Variants in MTDH observed in about 807,000 individuals in gnomAD.
The protein encoded by MTDH is metadherin.
A neutral mutation model predicts 72.7 loss-of-function variants in MTDH; 34 were observed. The observed-to-expected ratio is 0.47, with a 90% CI of 0.36 to 0.62. The LOEUF is 0.62. Ranked by LOEUF, MTDH falls within the 20% of genes least tolerant of loss-of-function variation. MTDH has a pLI of 0.00. For missense variants in MTDH, 677 were observed against 699.4 expected (o/e 0.97, Z 0.36); for synonymous variants, 266 against 268.9 (o/e 0.99, Z 0.10).
intron 10 of MTDH, among the ~76,000 whole-genome samples, chr8:97,722,375 G>T (rs928482165): frequency 6.6e-6 from 1 of 152,220 alleles, no homozygotes; most frequent in Non-Finnish European, 1.5e-5. Context: ...GCTGAGGCAG[G>T]CGGATCACGA....
chr8:97,689,104 G>T lies in MTDH; in HGVS notation c.811+1G>T. On this transcript the variant is annotated splice_donor_variant, in intron 5 of 11. Coordinates refer to ENST00000336273, the MANE Select transcript of MTDH (RefSeq NM_178812.4). LOFTEE classifies it high-confidence loss of function. ...GGAAAAGGAGATTCTACACTTCAGG[G>T]TGAGAGAAATTACATGTAACTTAAA... 1 of 1,564,512 alleles carries T rather than the reference G, an allele frequency of 6.4e-7. No homozygotes were observed. Among genetic ancestry groups the T allele is most frequent in the Non-Finnish European group, 8.7e-7 (1 of 1,145,300 alleles).
Position 97,690,571 on chromosome 8 carries a change from A to C in MTDH, c.812-381A>C, listed in dbSNP as rs1028419757. ...GAGGCTCCAGGGTCTATTGTTAATA[A>C]ATTTTTCAGTTAATTTTAATGTGCA... On this transcript the variant is annotated intron_variant, in intron 5 of 11. Transcript: ENST00000336273. 1.9e-4 allele frequency among the ~76,000 whole-genome samples: 29 copies of C among 152,284 alleles called. No homozygotes were observed. In the South Asian group the frequency reaches 2.9e-3, roughly 15 times the overall value.
chr8:97,726,633 A>G lies in MTDH; in HGVS notation c.*1963A>G, dbSNP rs1417405135. 6.6e-6 allele frequency: 1 copy of G among 152,224 alleles called. No individual in the cohort carries two copies. Among genetic ancestry groups the G allele is most frequent in the Non-Finnish European group, 1.5e-5 (1 of 68,042 alleles). 9.4% of individuals were successfully genotyped at this position (152,224 alleles called of 1,614,324 possible). A position where few individuals can be genotyped will look rare whatever the true frequency, so the allele number is the denominator to read the frequency against. Reference sequence around the variant, plus strand: ...CTAGTATCTCCCCATTCTACCACCTATGCCAGATGTTAAAGACAGCAGATG... The same window carrying G: ...CTAGTATCTCCCCATTCTACCACCTGTGCCAGATGTTAAAGACAGCAGATG... On this transcript the variant is annotated 3_prime_UTR_variant, in exon 12 of 12. Transcript: ENST00000336273.
chr8:97,660,329 A>C (rs1014201340), intron 1 of MTDH, among the ~76,000 whole-genome samples: 2 of 152,110 alleles, frequency 1.3e-5, no homozygotes, highest in Non-Finnish European at 2.9e-5. Flanking sequence ...AAAGCTTCTT[A>C]CTCCCAGAAC....
intron 2 of MTDH, among the ~76,000 whole-genome samples, chr8:97,663,689 C>T (rs1049087208): frequency 2.4e-5 from 3 of 125,804 alleles, no homozygotes; most frequent in African/African-American, 1.0e-4. Flanking sequence ...GTGCAGCTTG[C>T]AGTAAGTGGA....
At chr8:97,722,081 GACA>G (rs1400576151) in intron 10 of MTDH, among the ~76,000 whole-genome samples, 3 of 152,010 alleles carry the variant, frequency 2.0e-5, no homozygotes, top group East Asian at 1.9e-4. Context: ...GGTGGAAATG[GACA>G]ACAACCAATG....
intron 9 of MTDH, among the ~76,000 whole-genome samples, chr8:97,714,249 C>G (rs923090366): frequency 6.6e-6 from 1 of 152,114 alleles, no homozygotes; most frequent in Non-Finnish European, 1.5e-5. Flanking sequence ...CATACATTTC[C>G]TTTTCTTTCT....
intron 2 of MTDH, 96 bp from the exon 3 acceptor site, chr8:97,686,572 A>T: frequency 1.7e-6 from 1 of 602,352 alleles, no homozygotes; most frequent in Non-Finnish European, 2.5e-6. Flanking sequence ...ATTTTTTTTT[A>T]GTTGTCAGCA....
At chr8:97,710,646 A>C (rs2131059555) in intron 8 of MTDH, among the ~76,000 whole-genome samples, 1 of 139,110 alleles carries the variant, frequency 7.2e-6, no homozygotes, top group East Asian at 2.2e-4. Context: ...GCAGTGAGGC[A>C]CTTCACTCCA....
intron 1 of MTDH, among the ~76,000 whole-genome samples, chr8:97,653,783 GT>G (rs1811862663): frequency 6.6e-6 from 1 of 152,162 alleles, no homozygotes; most frequent in Admixed American, 6.5e-5. Flanking sequence ...AAATGCACTT[GT>G]TTTTCTCTCC....
chr8:97,646,854 G>C (rs906565444), intron 1 of MTDH, among the ~76,000 whole-genome samples: 1 of 152,170 alleles, frequency 6.6e-6, no homozygotes, highest in Non-Finnish European at 1.5e-5. Flanking sequence ...AAATATTGAA[G>C]ATGTATTCGA....
At chr8:97,719,420 G>A (rs1815017813) in intron 10 of MTDH, among the ~76,000 whole-genome samples, 1 of 150,158 alleles carries the variant, frequency 6.7e-6, no homozygotes, top group Non-Finnish European at 1.5e-5. Context: ...TTGAACCTGA[G>A]AGGCGGAGGG....
intron 11 of MTDH, among the ~76,000 whole-genome samples, chr8:97,723,323 G>A (rs111925754): frequency 0.044 from 6,750 of 151,714 alleles, 487 homozygotes; most frequent in African/African-American, 0.15. Context: ...GCGTGAACCC[G>A]GGAGGCAGAG....
Position 97,659,236 on chromosome 8 carries a change from A to G in MTDH, c.382-1836A>G, listed in dbSNP as rs1004634984. Among the ~76,000 whole-genome samples the G allele has an allele frequency of 1.8e-4, 27 of 152,130 alleles. 2 individuals are homozygous for G. Among genetic ancestry groups the G allele is most frequent in the Non-Finnish European group, 5.9e-5 (4 of 68,030 alleles). ...GGCCCTAAGTCCACATTCCATTTTG[A>G]GGTTTCTTACCTTTACCCACGTACT... On this transcript the variant is annotated intron_variant, in intron 1 of 11. Coordinates refer to ENST00000336273, the MANE Select transcript of MTDH (RefSeq NM_178812.4).
chr8:97,722,479 G>A (rs1815169208), intron 10 of MTDH, among the ~76,000 whole-genome samples: 1 of 151,626 alleles, frequency 6.6e-6, no homozygotes, highest in East Asian at 1.9e-4. Flanking sequence ...GCACACGCCT[G>A]TAGTCCCAGC....
chr8:97,697,978 A>G (rs1297300245), intron 6 of MTDH, among the ~76,000 whole-genome samples: 4 of 152,176 alleles, frequency 2.6e-5, no homozygotes, highest in African/African-American at 9.7e-5. Context: ...TGTGAATTTT[A>G]TAGGGTTACT....
chr8:97,659,502 T>C (rs1812100134), intron 1 of MTDH, among the ~76,000 whole-genome samples: 1 of 152,232 alleles, frequency 6.6e-6, no homozygotes, highest in Non-Finnish European at 1.5e-5. Flanking sequence ...CTGCCACAGA[T>C]CTTTGTAAAG....
At chr8:97,660,954 T>C in intron 1 of MTDH, 118 bp from the exon 2 acceptor site, 1 of 623,542 alleles carries the variant, frequency 1.6e-6, no homozygotes, top group Non-Finnish European at 2.6e-6. Flanking sequence ...ACAAAAACTT[T>C]TTAAATTTAG....
intron 1 of MTDH, among the ~76,000 whole-genome samples, chr8:97,659,420 TCAGACCCAG>T (rs1241077622): frequency 1.2e-4 from 18 of 152,220 alleles, no homozygotes; most frequent in African/African-American, 4.3e-4. Flanking sequence ...ACAAGTTGCT[TCAGACCCAG>T]CAGATTATAT....
Sources: allele counts gnomAD v4.1 joint callset (sites outside exome capture counted in the v4.1 genomes callset), GRCh38; gene constraint gnomAD v4.1.1; transcripts MANE v1.5; gene names NCBI Gene and HGNC (gene_info 2026-07-23, HGNC 2026-07-21).